ADAMTS6: variants seen among roughly 807,000 people sequenced by gnomAD.
The protein encoded by ADAMTS6 is ADAM metallopeptidase with thrombospondin type 1 motif 6, also known as A disintegrin and metalloproteinase with thrombospondin motifs 6.
In ADAMTS6, 23 loss-of-function variants were observed where a neutral mutation model predicts 144.3. The ratio of observed to expected loss-of-function variants is 0.16; its 90% CI spans 0.11 to 0.23. The LOEUF (loss-of-function observed/expected upper bound fraction) is 0.23. Among genes scored for constraint, ADAMTS6 ranks in the 10% least tolerant of loss-of-function variants. The probability of loss-of-function intolerance (pLI) is 1.00; values close to 1 mark genes in which losing one functional copy is unlikely to be tolerated. For missense variants in ADAMTS6, 999 were observed against 1,379.6 expected (o/e 0.72, Z 4.37); for synonymous variants, 444 against 457.5 (o/e 0.97, Z 0.38).
Position 65,151,954 on chromosome 5 carries a change from T to G in ADAMTS6, c.3245-9A>C. 1.2e-6 allele frequency: 2 copies of G among 1,605,414 alleles called. No individual in the cohort carries two copies. The highest frequency in any genetic ancestry group is 1.7e-6 in the Non-Finnish European group (2 of 1,172,810). ...ATTCACATCTTTGCACTCTAACGAA[T>G]GGGGGCAGAAAATGGAAAACAATTA... On this transcript the variant is annotated splice_polypyrimidine_tract_variant and intron_variant, in intron 24 of 24. Transcript: ENST00000381055.
At chr5:65,314,747 T>C (rs1744826986) in intron 9 of ADAMTS6, among the ~76,000 whole-genome samples, 1 of 152,176 alleles carries the variant, frequency 6.6e-6, no homozygotes, top group Non-Finnish European at 1.5e-5. Flanking sequence ...TGAAATTATC[T>C]TTCAAAGATT....
intron 7 of ADAMTS6, among the ~76,000 whole-genome samples, chr5:65,388,459 T>C (rs917632643): frequency 6.6e-6 from 1 of 152,146 alleles, no homozygotes; most frequent in Non-Finnish European, 1.5e-5. Flanking sequence ...TTAGGCAAGT[T>C]GTTTTAACAG....
At chr5:65,218,465 G>A (rs572179936) in intron 18 of ADAMTS6, among the ~76,000 whole-genome samples, 1 of 152,284 alleles carries the variant, frequency 6.6e-6, no homozygotes, top group East Asian at 1.9e-4. Flanking sequence ...GGAGGAGAAT[G>A]TGATTCAAAC....
chr5:65,320,803 T>C (rs968010581), intron 9 of ADAMTS6, among the ~76,000 whole-genome samples: 5 of 152,164 alleles, frequency 3.3e-5, no homozygotes, highest in African/African-American at 1.2e-4. Context: ...ATGTAGTATT[T>C]GGTTTTCTGT....
intron 7 of ADAMTS6, among the ~76,000 whole-genome samples, chr5:65,394,370 T>C (rs1386068699): frequency 6.6e-6 from 1 of 152,176 alleles, no homozygotes; most frequent in Non-Finnish European, 1.5e-5. Flanking sequence ...ACAGTCTAAC[T>C]ACAACTGCAT....
intron 20 of ADAMTS6, among the ~76,000 whole-genome samples, chr5:65,203,005 A>G (rs1330389640): frequency 6.6e-6 from 1 of 152,000 alleles, no homozygotes; most frequent in Admixed American, 6.6e-5. Flanking sequence ...TTTTCCACCA[A>G]TTCTCTCTCC....
At chr5:65,191,319 A>C (rs1213550103) in intron 21 of ADAMTS6, among the ~76,000 whole-genome samples, 3 of 152,154 alleles carry the variant, frequency 2.0e-5, no homozygotes, top group Non-Finnish European at 4.4e-5. Flanking sequence ...AGGGAATAAG[A>C]GAGACAGTAT....
intron 7 of ADAMTS6, among the ~76,000 whole-genome samples, chr5:65,450,098 C>T (rs2131587): frequency 0.61 from 92,329 of 151,942 alleles, 29,890 homozygotes; most frequent in African/African-American, 0.84. Flanking sequence ...GAAAGGTTTC[C>T]ACATTCGCAC....
At chr5:65,391,965 A>G (rs757757358) in intron 7 of ADAMTS6, among the ~76,000 whole-genome samples, 1 of 152,034 alleles carries the variant, frequency 6.6e-6, no homozygotes, top group Non-Finnish European at 1.5e-5. Flanking sequence ...CAAACTCCTG[A>G]TCTCAAGTGA....
At chr5:65,387,621 GT>G (rs1752582432) in intron 7 of ADAMTS6, among the ~76,000 whole-genome samples, 1 of 152,144 alleles carries the variant, frequency 6.6e-6, no homozygotes, top group Non-Finnish European at 1.5e-5. Context: ...CGGTTTTACA[GT>G]GGTGACATTT....
At chr5:65,302,704 T>G (rs112032539) in intron 9 of ADAMTS6, among the ~76,000 whole-genome samples, 1 of 152,056 alleles carries the variant, frequency 6.6e-6, no homozygotes, top group Non-Finnish European at 1.5e-5. Flanking sequence ...GTAGTGTAAA[T>G]GTGTAATGTT....
At chr5:65,174,419 G>A (rs565681950) in intron 22 of ADAMTS6, among the ~76,000 whole-genome samples, 59 of 152,330 alleles carry the variant, frequency 3.9e-4, no homozygotes, top group African/African-American at 1.3e-3. Context: ...TGGCCGATGC[G>A]GATCCTGAGA....
rs538545829 is a variant in ADAMTS6, at chr5:65,302,253, T to A, written c.1224-2122A>T. Among the ~76,000 whole-genome samples, 121 of 143,228 alleles carry A rather than the reference T, an allele frequency of 8.4e-4. 1 individual carries two copies. The highest frequency in any genetic ancestry group is 3.0e-3 in the African/African-American group (115 of 38,784). The allele number at this position is 143,228 out of a possible 152,430, so 94.0% of individuals were successfully genotyped here. ...ATATAATTATTATATACATATACAT[T>A]ATTATATATTAATATCTAAATTATA... On this transcript the variant is annotated intron_variant, in intron 9 of 24. Transcript: ENST00000381055.
At chr5:65,356,673 C>T (rs1749355007) in intron 7 of ADAMTS6, among the ~76,000 whole-genome samples, 1 of 151,818 alleles carries the variant, frequency 6.6e-6, no homozygotes, top group Admixed American at 6.6e-5. Context: ...CTGCGTATGT[C>T]TCTTCAAATT....
intron 22 of ADAMTS6, among the ~76,000 whole-genome samples, chr5:65,175,535 C>T (rs1753919813): frequency 1.3e-5 from 2 of 150,674 alleles, no homozygotes; most frequent in South Asian, 2.1e-4. Context: ...GGCGTATTCC[C>T]GAAAGCACTG....
intron 3 of ADAMTS6, among the ~76,000 whole-genome samples, chr5:65,462,204 A>C (rs543316270): frequency 1.3e-5 from 2 of 152,348 alleles, no homozygotes; most frequent in South Asian, 2.1e-4. Context: ...TAAAAAACTG[A>C]ACACAGTTCC....
At chr5:65,303,373 C>A (rs1227622972) in intron 9 of ADAMTS6, among the ~76,000 whole-genome samples, 1 of 151,944 alleles carries the variant, frequency 6.6e-6, no homozygotes, top group Non-Finnish European at 1.5e-5. Flanking sequence ...CTCATTATAG[C>A]AATACAGAGA....
chr5:65,452,811 T>C lies in ADAMTS6; in HGVS notation c.739A>G (p.Ser247Gly). 1 of 1,614,134 alleles carries C rather than the reference T, an allele frequency of 6.2e-7. No individual in the cohort carries two copies. Among genetic ancestry groups the C allele is most frequent in the Non-Finnish European group, 8.5e-7 (1 of 1,179,976 alleles). ...HIHHRQKRSVSIERFVETLVV... is the reference protein window; with the variant it reads ...HIHHRQKRSVGIERFVETLVV... ...AATGTCTCCACAAACCGTTCAATGC[T>C]CACTGATCTCTTCTGTCTGTGGTGG... The change falls in exon 5 of 25, where the codon AGC (serine) becomes GGC (glycine). Residue 247 changes from serine to glycine, a missense_variant. By Grantham distance (56) the Ser-to-Gly change is moderately conservative (BLOSUM62 0). Around this residue, in one of 3 missense-constraint regions of ADAMTS6, gnomAD observed 252 missense variants for 293.7 expected, o/e 0.86. Coordinates refer to ENST00000381055, the MANE Select transcript of ADAMTS6 (RefSeq NM_197941.4).
chr5:65,386,624 G>A (rs1385816899), intron 7 of ADAMTS6, among the ~76,000 whole-genome samples: 2 of 152,128 alleles, frequency 1.3e-5, no homozygotes, highest in Non-Finnish European at 2.9e-5. Context: ...GTCTCACTCT[G>A]ACACCCAGGC....
Sources: gnomAD v4.1 joint callset for allele counts (sites outside exome capture counted in the v4.1 genomes callset) on GRCh38, gnomAD v4.1.1 for gene constraint, gnomAD v4.1.1 regional missense constraint, MANE v1.5 for transcripts, NCBI Gene and HGNC (gene_info 2026-07-23, HGNC 2026-07-21) for gene names.